The following FANCA variants were observed in gnomAD, a reference collection of about 807,000 sequenced individuals.
FANCA encodes the protein FA complementation group A, also known as Fanconi anemia group A protein.
A neutral mutation model predicts 194.3 loss-of-function variants in FANCA; 236 were observed. That is an observed-to-expected ratio of 1.21 (90% confidence interval 1.09 to 1.35). The LOEUF (loss-of-function observed/expected upper bound fraction) is 1.35, where lower values mean the gene tolerates loss of function less well. Among genes scored for constraint, FANCA ranks in the 40% most tolerant of loss-of-function variants. FANCA has a pLI of 0.00. For missense variants in FANCA, 2,628 were observed against 1,813.9 expected (o/e 1.45, Z -8.15); for synonymous variants, 1,014 against 715.8 (o/e 1.42, Z -6.65).
chr16:89,766,702 A>T (rs796239875), intron 27 of FANCA, among the ~76,000 whole-genome samples: 1 of 151,864 alleles, frequency 6.6e-6, no homozygotes, highest in Non-Finnish European at 1.5e-5. Context: ...GCGACAGAGC[A>T]AGACTCCATC....
In FANCA at chr16:89,746,035, G is replaced by A. The variant is rs375317544; in HGVS notation, c.3513+549C>T. The stretch of plus-strand genomic sequence containing the variant: ...TGATGACCGAGAAGGAAGGGCGACA[G>A]CTGTGGTCTTCAGGACTAAGTGAGC... On this transcript the variant is annotated intron_variant, in intron 35 of 42. Coordinates refer to ENST00000389301, the MANE Select transcript of FANCA (RefSeq NM_000135.4). 1.7e-4 allele frequency among the ~76,000 whole-genome samples: 26 copies of A among 152,332 alleles called. No homozygotes were observed. In the East Asian group the frequency reaches 4.6e-3, roughly 27 times the overall value.
At chr16:89,750,532 T>C (rs891793230) in intron 31 of FANCA, among the ~76,000 whole-genome samples, 9 of 151,540 alleles carry the variant, frequency 5.9e-5, no homozygotes, top group African/African-American at 2.2e-4. Flanking sequence ...CTCACGCCTG[T>C]AATCCCAGAA....
intron 6 of FANCA, among the ~76,000 whole-genome samples, chr16:89,806,014 G>C (rs1371249794): frequency 6.6e-6 from 1 of 152,026 alleles, no homozygotes; most frequent in Non-Finnish European, 1.5e-5. Context: ...CCAAGTTCAA[G>C]CGATTCTCCT....
chr16:89,808,162 A>G (rs1489017552), intron 6 of FANCA, 132 bp downstream of exon 6: 3 of 816,454 alleles, frequency 3.7e-6, no homozygotes, highest in South Asian at 1.4e-5. Flanking sequence ...TAAATATGCA[A>G]TGCAATCTAG....
intron 3 of FANCA, among the ~76,000 whole-genome samples, chr16:89,811,303 T>A (rs1452698310): frequency 6.6e-6 from 1 of 152,228 alleles, no homozygotes. Context: ...TATACATTGG[T>A]ATTTGTTACG....
intron 26 of FANCA, among the ~76,000 whole-genome samples, chr16:89,768,053 C>A (rs1368082304): frequency 6.6e-6 from 1 of 152,174 alleles, no homozygotes; most frequent in Non-Finnish European, 1.5e-5. Context: ...TGCAGTCGCA[C>A]AATCACAGCT....
chr16:89,784,379 A>C (rs1456306282), intron 15 of FANCA, among the ~76,000 whole-genome samples: 13 of 136,440 alleles, frequency 9.5e-5, no homozygotes, highest in Admixed American at 1.5e-4. Context: ...AAAAAAAAAA[A>C]CCCAAAAAAA....
chr16:89,816,365 C>T (rs952680297), intron 1 of FANCA, 172 bp downstream of exon 1: 3 of 381,274 alleles, frequency 7.9e-6, no homozygotes, highest in South Asian at 9.8e-5. Flanking sequence ...CAGGAGGGGC[C>T]GGGTCCGAGG....
In FANCA at chr16:89,782,919, C is replaced by T. The variant is rs1464032361; in HGVS notation, c.1567-1G>A. ...AGAGTCCCATGTTTTCTATAGAAAC[C>T]TTCAGGGAAGACACAGAATGAGAAC... is the stretch of plus-strand genomic sequence containing the variant. On this transcript the variant is annotated splice_acceptor_variant, in intron 16 of 42. Coordinates refer to ENST00000389301, the MANE Select transcript of FANCA (RefSeq NM_000135.4). LOFTEE classifies it high-confidence loss of function. The T allele has an allele frequency of 1.9e-6, 3 of 1,614,040 alleles. No individual in the cohort carries two copies. Among genetic ancestry groups the T allele is most frequent in the Non-Finnish European group, 1.7e-6 (2 of 1,179,920 alleles).
intron 3 of FANCA, among the ~76,000 whole-genome samples, chr16:89,814,009 G>C (rs1003113219): frequency 8.5e-5 from 13 of 152,180 alleles, no homozygotes; most frequent in African/African-American, 3.1e-4. Context: ...ATTTGCCAAT[G>C]ACATTCAGTG....
At chr16:89,814,495 T>G in intron 3 of FANCA, 25 bp downstream of exon 3, 2 of 1,514,568 alleles carry the variant, frequency 1.3e-6, no homozygotes, top group Non-Finnish European at 1.8e-6. Flanking sequence ...CAATTCAAAA[T>G]AGAGAAAATG....
chr16:89,811,208 A>C, intron 3 of FANCA, 137 bp from the exon 4 acceptor site: 2 of 1,024,872 alleles, frequency 2.0e-6, no homozygotes, highest in Non-Finnish European at 2.9e-6. Flanking sequence ...GAATAGATGC[A>C]AAGGGAAAAA....
chr16:89,761,434 A>AG (rs914853337), intron 29 of FANCA, among the ~76,000 whole-genome samples: 3 of 151,558 alleles, frequency 2.0e-5, no homozygotes, highest in African/African-American at 4.8e-5. Context: ...AAAAAAAAAA[A>AG]AAAGAAAAAC....
At chr16:89,747,510 C>G (rs1023241527) in intron 33 of FANCA, among the ~76,000 whole-genome samples, 2 of 152,192 alleles carry the variant, frequency 1.3e-5, no homozygotes, top group African/African-American at 2.4e-5. Flanking sequence ...ACCAGACTGA[C>G]CAACATGGTA....
chr16:89,773,758 C>T (rs969898628), intron 21 of FANCA, among the ~76,000 whole-genome samples: 11 of 151,292 alleles, frequency 7.3e-5, no homozygotes, highest in Admixed American at 2.0e-4. Context: ...CCATTTAGTC[C>T]CCTGGTTCCT....
At chr16:89,791,710 G>A (rs950008896) in intron 13 of FANCA, 174 bp from the exon 14 acceptor site, 10 of 1,021,560 alleles carry the variant, frequency 9.8e-6, no homozygotes, top group African/African-American at 6.4e-5. Flanking sequence ...CTAGAGACCT[G>A]AATGAAGCAG....
At chr16:89,758,427 A>C (rs2038833336) in intron 30 of FANCA, 150 bp downstream of exon 30, 2 of 864,018 alleles carry the variant, frequency 2.3e-6, no homozygotes, top group Non-Finnish European at 3.8e-6. Context: ...GGGTGTTGCC[A>C]AAGGAGACTG....
chr16:89,791,558 G>C, intron 13 of FANCA, 22 bp from the exon 14 acceptor site: 1 of 1,613,520 alleles, frequency 6.2e-7, no homozygotes, highest in Non-Finnish European at 8.5e-7. Flanking sequence ...CCATGACATA[G>C]TCACAGCAAG....
intron 3 of FANCA, among the ~76,000 whole-genome samples, chr16:89,811,727 TTTTTTTTTG>T (rs1017039241): frequency 5.7e-4 from 27 of 47,172 alleles, no homozygotes; most frequent in African/African-American, 2.0e-3. Flanking sequence ...CCAAAATTAA[TTTTTTTTTG>T]TTTTATTTTT....
Sources: allele counts gnomAD v4.1 joint callset (sites outside exome capture counted in the v4.1 genomes callset), GRCh38; gene constraint gnomAD v4.1.1; transcripts MANE v1.5; gene names NCBI Gene and HGNC (gene_info 2026-07-23, HGNC 2026-07-21).